The following ZDHHC20 variants were observed in gnomAD, a reference collection of about 807,000 sequenced individuals.
The protein encoded by ZDHHC20 is zDHHC palmitoyltransferase 20.
Under a neutral mutation model 57.8 loss-of-function variants are expected in ZDHHC20, and 43 were observed. That is an observed-to-expected ratio of 0.74 (90% CI 0.58 to 0.96). The LOEUF (loss-of-function observed/expected upper bound fraction) is 0.96, where lower values mean the gene tolerates loss of function less well. ZDHHC20 is among the 40% of genes least tolerant of loss of function. The pLI is 0.00. For missense variants in ZDHHC20, 391 were observed against 441.1 expected, an observed-to-expected ratio of 0.89 and a Z score of 1.02; for synonymous variants, 157 against 153.0, an observed-to-expected ratio of 1.03 and a Z score of -0.19.
intron 3 of ZDHHC20, among the ~76,000 whole-genome samples, chr13:21,414,368 TC>T (rs1463730077): frequency 6.6e-6 from 1 of 151,176 alleles, no homozygotes; most frequent in African/African-American, 2.4e-5. Context: ...CTTTTTTTTT[TC>T]TTTTTTTTTG....
intron 1 of ZDHHC20, among the ~76,000 whole-genome samples, chr13:21,442,581 CCT>C (rs1185635896): frequency 6.6e-6 from 1 of 152,024 alleles, no homozygotes; most frequent in East Asian, 1.9e-4. Context: ...ATGGTGAAAC[CCT>C]GTCTCTACTA....
intron 7 of ZDHHC20, among the ~76,000 whole-genome samples, chr13:21,397,162 A>T (rs1269630992): frequency 3.9e-5 from 6 of 152,088 alleles, no homozygotes; most frequent in Admixed American, 3.9e-4. Context: ...TGGGAGACCG[A>T]GGCGGGCGGA....
chr13:21,418,923 C>T (rs976256300), intron 3 of ZDHHC20, among the ~76,000 whole-genome samples: 1 of 152,186 alleles, frequency 6.6e-6, no homozygotes, highest in African/African-American at 2.4e-5. Context: ...ATCTGCCTGC[C>T]TGCCTTGGCC....
chr13:21,432,469 G>A (rs146487336), intron 1 of ZDHHC20, among the ~76,000 whole-genome samples: 31,231 of 151,878 alleles, frequency 0.21, 3,502 homozygotes, highest in Non-Finnish European at 0.25. Flanking sequence ...AGCTGGGACT[G>A]CAGGCGCCCA....
intron 9 of ZDHHC20, 144 bp downstream of exon 9, chr13:21,387,364 T>C (rs1297745108): frequency 2.8e-5 from 16 of 566,478 alleles, no homozygotes; most frequent in Admixed American, 9.2e-5. Flanking sequence ...ATTTTATGTA[T>C]AAAAAAAGAT....
intron 3 of ZDHHC20, among the ~76,000 whole-genome samples, chr13:21,415,650 T>C (rs567804668): frequency 6.6e-6 from 1 of 152,360 alleles, no homozygotes; most frequent in South Asian, 2.1e-4. Context: ...CAAGATGGCA[T>C]GTTCTCTTTT....
chr13:21,400,951 G>GT, intron 6 of ZDHHC20, among the ~76,000 whole-genome samples: 1 of 151,892 alleles, frequency 6.6e-6, no homozygotes, highest in Non-Finnish European at 1.5e-5. Flanking sequence ...CCTCTTCGAT[G>GT]TTTTTTAAAA....
intron 1 of ZDHHC20, among the ~76,000 whole-genome samples, chr13:21,427,437 A>G (rs1881389271): frequency 6.6e-6 from 1 of 152,224 alleles, no homozygotes; most frequent in Non-Finnish European, 1.5e-5. Context: ...TCCTCCAAGT[A>G]GAAAATCTGA....
chr13:21,442,303 T>C (rs1037146015), intron 1 of ZDHHC20, among the ~76,000 whole-genome samples: 1 of 152,234 alleles, frequency 6.6e-6, no homozygotes, highest in African/African-American at 2.4e-5. Flanking sequence ...CTATCCTCTA[T>C]GCCTTTACTG....
chr13:21,409,899 C>G (rs543066875), intron 4 of ZDHHC20, among the ~76,000 whole-genome samples: 1 of 152,312 alleles, frequency 6.6e-6, no homozygotes, highest in African/African-American at 2.4e-5. Flanking sequence ...CTGTCAAACT[C>G]AATCTCGGTC....
chr13:21,387,665 TTAATC>T, intron 8 of ZDHHC20, 31 bp from the exon 9 acceptor site: 3 of 1,288,898 alleles, frequency 2.3e-6, no homozygotes, highest in Non-Finnish European at 1.0e-6. Flanking sequence ...TATAAACTAA[TTAATC>T]TATTTAAAAA....
At chr13:21,446,013 C>T (rs1019799938) in intron 1 of ZDHHC20, among the ~76,000 whole-genome samples, 39 of 152,128 alleles carry the variant, frequency 2.6e-4, no homozygotes, top group African/African-American at 9.4e-4. Flanking sequence ...GGTGGCCTGA[C>T]AGATGAAAAG....
rs1368854668 is a variant in ZDHHC20 at position 21,383,019 on chromosome 13, G to C, written c.855-10C>G. 9 of 1,550,300 alleles carry C rather than the reference G, an allele frequency of 5.8e-6. No individual in the cohort carries two copies. Among genetic ancestry groups the C allele is most frequent in the Non-Finnish European group, 7.9e-6 (9 of 1,145,308 alleles). On this transcript the variant is annotated splice_polypyrimidine_tract_variant and intron_variant, in intron 9 of 12. Transcript: ENST00000400590. ...GCAACCATCACCCAAGCTGCATAAT[G>C]AAAAAGAGTAATAATTTAAATAATG...
chr13:21,393,833 G>A (rs1418604904), intron 7 of ZDHHC20, among the ~76,000 whole-genome samples: 1 of 151,760 alleles, frequency 6.6e-6, no homozygotes, highest in African/African-American at 2.4e-5. Context: ...CTACAGGCGT[G>A]AGCCACCTGC....
chr13:21,441,280 T>C (rs905383988), intron 1 of ZDHHC20, among the ~76,000 whole-genome samples: 8 of 152,176 alleles, frequency 5.3e-5, no homozygotes, highest in Non-Finnish European at 1.0e-4. Flanking sequence ...CTTTTAAGAA[T>C]GTTTTCCTCT....
chr13:21,408,339 C>T (rs1451890706), intron 4 of ZDHHC20, among the ~76,000 whole-genome samples: 2 of 152,090 alleles, frequency 1.3e-5, no homozygotes, highest in East Asian at 3.8e-4. Context: ...CCTTCACATC[C>T]CTTGTAAGCT....
intron 3 of ZDHHC20, among the ~76,000 whole-genome samples, chr13:21,416,183 G>A (rs1477504153): frequency 2.3e-5 from 3 of 132,418 alleles, no homozygotes; most frequent in African/African-American, 8.9e-5. Context: ...CCAGCCTGGT[G>A]ACAGAGTGAG....
chr13:21,433,485 C>T (rs973592121), intron 1 of ZDHHC20, among the ~76,000 whole-genome samples: 4 of 151,860 alleles, frequency 2.6e-5, no homozygotes, highest in East Asian at 3.9e-4. Flanking sequence ...GGCGTGGTGG[C>T]GGGTGCCTGT....
At chr13:21,446,124 G>A (rs139407391) in intron 1 of ZDHHC20, among the ~76,000 whole-genome samples, 1 of 152,338 alleles carries the variant, frequency 6.6e-6, no homozygotes, top group African/African-American at 2.4e-5. Context: ...TTTCAACTTT[G>A]AATTTCATTT....
Sources: allele counts gnomAD v4.1 joint callset (sites outside exome capture counted in the v4.1 genomes callset), GRCh38; gene constraint gnomAD v4.1.1; transcripts MANE v1.5; gene names NCBI Gene and HGNC (gene_info 2026-07-23, HGNC 2026-07-21).